Variants in CNTNAP5 observed in about 807,000 individuals in gnomAD.
CNTNAP5 encodes the protein contactin-associated protein-like 5.
A neutral mutation model predicts 150.2 loss-of-function variants in CNTNAP5; 72 were observed. The observed-to-expected ratio is 0.48, with a 90% CI of 0.40 to 0.58. The LOEUF is 0.58. CNTNAP5 is among the 20% of genes least tolerant of loss of function. The pLI is 0.00. For synonymous variants in CNTNAP5, 672 were observed against 619.8 expected (o/e 1.08, Z -1.25); for missense variants, 1,636 against 1,626.2 (o/e 1.01, Z -0.10).
At chr2:124,245,185 A>C (rs1196923516) in intron 3 of CNTNAP5, among the ~76,000 whole-genome samples, 1 of 152,118 alleles carries the variant, frequency 6.6e-6, no homozygotes, top group Non-Finnish European at 1.5e-5. Context: ...AATAATACCT[A>C]TTTGTATTTG....
intron 4 of CNTNAP5, among the ~76,000 whole-genome samples, chr2:124,429,008 T>C (rs1295401566): frequency 1.3e-5 from 2 of 152,204 alleles, no homozygotes; most frequent in African/African-American, 4.8e-5. Context: ...AAGATGCTTG[T>C]ACAACACAAA....
chr2:124,504,573 C>T lies in CNTNAP5; in HGVS notation c.1327+17C>T, dbSNP rs1300280508. ...TCCTCACAGGTACTGTCTGCTGACA[C>T]TCTGGATCAGCTTCTTGTTTATCCA... is the stretch of plus-strand genomic sequence containing the variant. On this transcript the variant is annotated intron_variant, in intron 8 of 23. Coordinates refer to ENST00000682447, the MANE Select transcript of CNTNAP5 (RefSeq NM_001367498.1). The T allele has an allele frequency of 1.2e-6, 2 of 1,610,520 alleles. No individual in the cohort carries two copies. The highest frequency in any genetic ancestry group is 1.7e-6 in the Non-Finnish European group (2 of 1,177,866).
At position 124,860,570 on chromosome 2, in the gene CNTNAP5, TC is replaced by T. The variant is rs375451291; in HGVS notation, c.3218-4734del. ...TTCTCTCCTTTCTTTCTCCCTTTCT[TC>T]CGTTGTTTCTTTCTTTCTTTTCCCT... On this transcript the variant is annotated intron_variant, in intron 19 of 23. Transcript: ENST00000682447. Among the ~76,000 whole-genome samples, 44 of 150,868 alleles carry T rather than the reference TC, an allele frequency of 2.9e-4. 1 individual carries two copies. Among genetic ancestry groups the T allele is most frequent in the Admixed American group, 1.2e-3 (18 of 15,042 alleles).
chr2:124,858,715 A>T (rs1412298291), intron 19 of CNTNAP5, among the ~76,000 whole-genome samples: 2 of 152,230 alleles, frequency 1.3e-5, no homozygotes, highest in East Asian at 1.9e-4. Flanking sequence ...TACACAAAAA[A>T]TAAAAAGAAA....
intron 7 of CNTNAP5, among the ~76,000 whole-genome samples, chr2:124,483,032 A>G (rs1573404188): frequency 6.6e-6 from 1 of 152,236 alleles, no homozygotes; most frequent in East Asian, 1.9e-4. Context: ...CTCCTTGCAC[A>G]TCCTTCTCTC....
chr2:124,708,029 C>T (rs536255581), intron 13 of CNTNAP5, among the ~76,000 whole-genome samples: 2 of 152,204 alleles, frequency 1.3e-5, no homozygotes, highest in African/African-American at 4.8e-5. Flanking sequence ...GTTGGACCTA[C>T]ATGATGGTGT....
chr2:124,413,904 A>T (rs564102722), intron 3 of CNTNAP5, among the ~76,000 whole-genome samples: 31 of 64,964 alleles, frequency 4.8e-4, no homozygotes, highest in African/African-American at 2.8e-3. Flanking sequence ...TAAATAAATT[A>T]AAAAAAAAGA....
chr2:124,110,570 G>C (rs1000238867), intron 1 of CNTNAP5, among the ~76,000 whole-genome samples: 6 of 152,150 alleles, frequency 3.9e-5, no homozygotes, highest in Admixed American at 3.9e-4. Context: ...ACTGTTTATT[G>C]ACTATTTACC....
intron 3 of CNTNAP5, among the ~76,000 whole-genome samples, chr2:124,349,159 C>T (rs940524954): frequency 5.9e-5 from 8 of 135,216 alleles, no homozygotes; most frequent in African/African-American, 1.8e-4. Context: ...TTCATTGTTG[C>T]GTGAACATCA....
At chr2:124,079,866 C>T (rs955172588) in intron 1 of CNTNAP5, among the ~76,000 whole-genome samples, 1 of 152,144 alleles carries the variant, frequency 6.6e-6, no homozygotes, top group Admixed American at 6.5e-5. Flanking sequence ...CAAGTCCCAA[C>T]TCCACCACAT....
At chr2:124,427,782 T>A (rs1172654965) in intron 4 of CNTNAP5, among the ~76,000 whole-genome samples, 2 of 152,024 alleles carry the variant, frequency 1.3e-5, no homozygotes, top group South Asian at 4.1e-4. Flanking sequence ...TATTTTTAAT[T>A]TGACTCTCCA....
In CNTNAP5 at chr2:124,603,780, AATAC is replaced by A. The variant is rs537661685; in HGVS notation, c.1757-6009_1757-6006del. The stretch of plus-strand genomic sequence containing the variant: ...ACGTAGGTAGATAGATAGATAAATA[AATAC>A]ATACATACATATATACATACATACC... On this transcript the variant is annotated intron_variant, in intron 11 of 23. Transcript: ENST00000682447. Among the ~76,000 whole-genome samples, 410 of 152,294 alleles carry A rather than the reference AATAC, an allele frequency of 2.7e-3. 3 individuals are homozygous for A. Among genetic ancestry groups the A allele is most frequent in the Non-Finnish European group, 4.5e-3 (307 of 68,002 alleles).
Position 124,892,466 on chromosome 2 carries a change from T to C in CNTNAP5, c.3437-10416T>C, listed in dbSNP as rs570315985. 2.0e-5 allele frequency among the ~76,000 whole-genome samples: 3 copies of C among 152,216 alleles called. No individual in the cohort carries two copies. The South Asian group carries it at 6.2e-4, about 32-fold the overall frequency. ...CATTATACTGGCAGCCACCTCATCA[T>C]GTAGCAAAGAAAAAAATTCAAGAGA... On this transcript the variant is annotated intron_variant, in intron 21 of 23. Transcript: ENST00000682447.
intron 19 of CNTNAP5, among the ~76,000 whole-genome samples, chr2:124,826,740 A>G (rs777750592): frequency 6.6e-6 from 1 of 152,014 alleles, no homozygotes; most frequent in East Asian, 1.9e-4. Context: ...CTCCTATTTG[A>G]AAATCTGCTA....
At chr2:124,187,142 A>G (rs1269781919) in intron 1 of CNTNAP5, among the ~76,000 whole-genome samples, 1 of 152,196 alleles carries the variant, frequency 6.6e-6, no homozygotes, top group East Asian at 1.9e-4. Flanking sequence ...AATAGAAGAG[A>G]AAAAAAGAGC....
chr2:124,536,003 C>T (rs72843198), intron 10 of CNTNAP5, among the ~76,000 whole-genome samples: 4,344 of 152,100 alleles, frequency 0.029, 97 homozygotes, highest in Non-Finnish European at 0.051. Context: ...TTACATTGCG[C>T]GGTAATACAT....
chr2:124,508,936 T>C (rs897788728), intron 8 of CNTNAP5, among the ~76,000 whole-genome samples: 5 of 152,208 alleles, frequency 3.3e-5, no homozygotes, highest in South Asian at 2.1e-4. Context: ...TAAAAGAAGA[T>C]GAAAATCTCA....
chr2:124,034,816 G>A (rs1681165305), intron 1 of CNTNAP5, among the ~76,000 whole-genome samples: 1 of 152,156 alleles, frequency 6.6e-6, no homozygotes, highest in South Asian at 2.1e-4. Flanking sequence ...AGGAGATTCA[G>A]GCAGATGGAC....
chr2:124,508,671 A>C (rs1298532658), intron 8 of CNTNAP5, among the ~76,000 whole-genome samples: 2 of 152,230 alleles, frequency 1.3e-5, no homozygotes, highest in African/African-American at 4.8e-5. Flanking sequence ...AAACTGAAAT[A>C]AGCAAAAAGA....
Sources: allele counts gnomAD v4.1 joint callset (sites outside exome capture counted in the v4.1 genomes callset), GRCh38; gene constraint gnomAD v4.1.1; transcripts MANE v1.5; gene names NCBI Gene and HGNC (gene_info 2026-07-23, HGNC 2026-07-21).